Variants in DSCAML1 observed in about 807,000 individuals in gnomAD.
The protein encoded by DSCAML1 is DS cell adhesion molecule like 1.
DSCAML1 carries 38 observed loss-of-function variants against 200.5 expected under a neutral mutation model. The observed-to-expected ratio is 0.19, with a 90% CI of 0.15 to 0.25. The LOEUF is 0.25. Among genes scored for constraint, DSCAML1 ranks in the 10% least tolerant of loss-of-function variants. DSCAML1 has a pLI of 1.00. For synonymous variants in DSCAML1, 1,215 were observed against 1,165.0 expected (o/e 1.04, Z -0.87); for missense variants, 2,223 against 2,858.8 (o/e 0.78, Z 5.07).
intron 3 of DSCAML1, among the ~76,000 whole-genome samples, chr11:117,697,479 T>C (rs557755724): frequency 2.6e-5 from 4 of 152,234 alleles, no homozygotes; most frequent in Non-Finnish European, 5.9e-5. Flanking sequence ...TTTTTAAGTG[T>C]ACCATTCAGC....
chr11:117,540,158 G>T (rs1005513011), intron 3 of DSCAML1, among the ~76,000 whole-genome samples: 19 of 152,310 alleles, frequency 1.2e-4, no homozygotes, highest in African/African-American at 4.1e-4. Flanking sequence ...TAATGCAGGG[G>T]TTCCCAACCT....
At chr11:117,651,938 C>T (rs977950204) in intron 3 of DSCAML1, among the ~76,000 whole-genome samples, 3 of 152,178 alleles carry the variant, frequency 2.0e-5, no homozygotes, top group Non-Finnish European at 4.4e-5. Context: ...CAACTATTCT[C>T]TCTGATTACG....
At chr11:117,746,504 G>C (rs59810418) in intron 3 of DSCAML1, among the ~76,000 whole-genome samples, 10,622 of 152,078 alleles carry the variant, frequency 0.07, 588 homozygotes, top group African/African-American at 0.15. Context: ...GTGGTACCTG[G>C]GGAAGTGCTT....
At chr11:117,706,414 G>GGGAGAAAAGCTTT (rs1223078678) in intron 3 of DSCAML1, among the ~76,000 whole-genome samples, 1 of 152,138 alleles carries the variant, frequency 6.6e-6, no homozygotes, top group Admixed American at 6.5e-5. Context: ...CTCGGTGCCG[G>GGGAGAAAAGCTTT]TCTATTCCCA....
chr11:117,660,376 G>A (rs1279123074), intron 3 of DSCAML1, among the ~76,000 whole-genome samples: 1 of 152,168 alleles, frequency 6.6e-6, no homozygotes, highest in Non-Finnish European at 1.5e-5. Context: ...ATATGTCTTT[G>A]GGCAAATGGC....
intron 3 of DSCAML1, among the ~76,000 whole-genome samples, chr11:117,757,620 A>ACACACAC (rs1565266292): frequency 7.2e-6 from 1 of 139,290 alleles, no homozygotes; most frequent in Non-Finnish European, 1.6e-5. Flanking sequence ...ACACACACAC[A>ACACACAC]ATTATTTTTC....
At chr11:117,431,454 C>A (rs1430710927) in intron 31 of DSCAML1, 80 bp downstream of exon 31, 2 of 1,342,794 alleles carry the variant, frequency 1.5e-6, no homozygotes, top group Non-Finnish European at 2.0e-6. Context: ...TGGGTAGAAG[C>A]TGGGAAGAAT....
At chr11:117,433,303 T>C (rs761712926) in intron 28 of DSCAML1, 47 bp from the exon 29 acceptor site, 2 of 1,576,678 alleles carry the variant, frequency 1.3e-6, no homozygotes, top group African/African-American at 1.4e-5. Flanking sequence ...CCATAAGGGG[T>C]TGGGGAAGGG....
intron 1 of DSCAML1, among the ~76,000 whole-genome samples, chr11:117,811,310 A>G (rs1437416892): frequency 1.3e-5 from 2 of 152,158 alleles, no homozygotes; most frequent in Non-Finnish European, 2.9e-5. Flanking sequence ...CTCAATATAC[A>G]TTTTATTACC....
chr11:117,808,764 T>C (rs1007473089), intron 1 of DSCAML1, among the ~76,000 whole-genome samples: 9 of 152,170 alleles, frequency 5.9e-5, no homozygotes, highest in African/African-American at 2.2e-4. Flanking sequence ...AATAAATGGC[T>C]GAAAAACACG....
chr11:117,693,297 C>T (rs1317080501), intron 3 of DSCAML1, among the ~76,000 whole-genome samples: 1 of 152,208 alleles, frequency 6.6e-6, no homozygotes, highest in Non-Finnish European at 1.5e-5. Flanking sequence ...CCATTTGTTT[C>T]TGTTAAGATC....
At chr11:117,805,575 C>T (rs142109146) in intron 1 of DSCAML1, among the ~76,000 whole-genome samples, 1 of 151,930 alleles carries the variant, frequency 6.6e-6, no homozygotes, top group African/African-American at 2.4e-5. Context: ...GGCTTTAACA[C>T]GCTGGTGGGC....
At chr11:117,656,497 A>ATCTC (rs1161086149) in intron 3 of DSCAML1, among the ~76,000 whole-genome samples, 3 of 25,058 alleles carry the variant, frequency 1.2e-4, no homozygotes, top group African/African-American at 4.2e-4. Context: ...TACCTAAATC[A>ATCTC]TCTATCTATC....
chr11:117,471,058 G>C (rs1475476979), intron 15 of DSCAML1, among the ~76,000 whole-genome samples: 1 of 152,192 alleles, frequency 6.6e-6, no homozygotes, highest in African/African-American at 2.4e-5. Flanking sequence ...GACCAGAAAG[G>C]GGTACATGGG....
chr11:117,470,698 T>C (rs2048668873), intron 15 of DSCAML1, among the ~76,000 whole-genome samples: 1 of 152,232 alleles, frequency 6.6e-6, no homozygotes, highest in African/African-American at 2.4e-5. Context: ...ATAGCAGTAT[T>C]TTTGTAATAG....
chr11:117,458,163 C>A (rs2048410488), intron 19 of DSCAML1, among the ~76,000 whole-genome samples: 1 of 152,164 alleles, frequency 6.6e-6, no homozygotes, highest in Non-Finnish European at 1.5e-5. Context: ...TTCATCCCAG[C>A]CTCCCCTTTT....
chr11:117,602,999 G>A (rs2051493337), intron 3 of DSCAML1, among the ~76,000 whole-genome samples: 1 of 152,212 alleles, frequency 6.6e-6, no homozygotes, highest in Non-Finnish European at 1.5e-5. Flanking sequence ...GGGAGGCTGA[G>A]GTGGGAGAAT....
chr11:117,784,568 TCA>T (rs2055317943), intron 1 of DSCAML1, among the ~76,000 whole-genome samples: 2 of 152,160 alleles, frequency 1.3e-5, no homozygotes, highest in East Asian at 1.9e-4. Flanking sequence ...AACTCTGGCC[TCA>T]CAGAGTCTGG....
intron 3 of DSCAML1, among the ~76,000 whole-genome samples, chr11:117,628,580 C>T (rs1565836524): frequency 1.3e-5 from 2 of 152,166 alleles, no homozygotes; most frequent in South Asian, 2.1e-4. Context: ...ATCTCCATAC[C>T]GGCTCCTCTG....
Sources: allele counts gnomAD v4.1 joint callset (sites outside exome capture counted in the v4.1 genomes callset), GRCh38; gene constraint gnomAD v4.1.1; transcripts MANE v1.5; gene names NCBI Gene and HGNC (gene_info 2026-07-23, HGNC 2026-07-21).